Variants in NPAS2 observed in about 807,000 individuals in gnomAD.
NPAS2 encodes the protein neuronal PAS domain protein 2.
A neutral mutation model predicts 107.5 loss-of-function variants in NPAS2; 23 were observed. The observed-to-expected ratio is 0.21, with a 90% CI of 0.15 to 0.30. The LOEUF (loss-of-function observed/expected upper bound fraction) is 0.30, where lower values mean the gene tolerates loss of function less well. NPAS2 is among the 10% of genes least tolerant of loss of function. NPAS2 has a pLI of 1.00. For missense variants in NPAS2, 756 were observed against 1,043.3 expected (o/e 0.72, Z 3.79); for synonymous variants, 403 against 417.5 (o/e 0.97, Z 0.42).
At chr2:100,830,386 A>G (rs1445801912) in intron 1 of NPAS2, among the ~76,000 whole-genome samples, 3 of 152,118 alleles carry the variant, frequency 2.0e-5, no homozygotes, top group African/African-American at 7.2e-5. Context: ...GGTTAGTTAC[A>G]TATGTATACA....
At chr2:100,913,737 CAT>C (rs1192639873) in intron 2 of NPAS2, among the ~76,000 whole-genome samples, 1 of 152,134 alleles carries the variant, frequency 6.6e-6, no homozygotes, top group Non-Finnish European at 1.5e-5. Context: ...CCAAGGGAAA[CAT>C]AGGACTTTTG....
At chr2:100,881,892 G>A (rs995724636) in intron 1 of NPAS2, among the ~76,000 whole-genome samples, 1 of 152,200 alleles carries the variant, frequency 6.6e-6, no homozygotes, top group African/African-American at 2.4e-5. Flanking sequence ...CCCAGGTCCA[G>A]GGCCTGCTTC....
At chr2:100,840,932 G>T (rs970229929) in intron 1 of NPAS2, among the ~76,000 whole-genome samples, 1 of 152,070 alleles carries the variant, frequency 6.6e-6, no homozygotes, top group Non-Finnish European at 1.5e-5. Context: ...CAGGCAGCTG[G>T]GGTTTGCATC....
chr2:100,891,006 G>A (rs1490114538), intron 1 of NPAS2, among the ~76,000 whole-genome samples: 1 of 152,164 alleles, frequency 6.6e-6, no homozygotes, highest in Non-Finnish European at 1.5e-5. Flanking sequence ...GCCAAGGCGG[G>A]TGGATCATGA....
chr2:100,938,458 G>A (rs1251905385), intron 5 of NPAS2, among the ~76,000 whole-genome samples: 1 of 147,912 alleles, frequency 6.8e-6, no homozygotes, highest in Non-Finnish European at 1.5e-5. Context: ...CTCCAAGGTG[G>A]CAGAAGGGGC....
At chr2:100,890,073 G>A (rs1275915688) in intron 1 of NPAS2, among the ~76,000 whole-genome samples, 2 of 152,138 alleles carry the variant, frequency 1.3e-5, no homozygotes, top group African/African-American at 4.8e-5. Context: ...GGAGTGAAAT[G>A]GGCACCCTCC....
At chr2:100,882,184 C>T (rs150056622) in intron 1 of NPAS2, among the ~76,000 whole-genome samples, 6 of 152,328 alleles carry the variant, frequency 3.9e-5, no homozygotes, top group Non-Finnish European at 7.4e-5. Flanking sequence ...CCAGTGGCAA[C>T]ATCTTAACGT....
At chr2:100,967,349 C>T (rs1008532166) in intron 10 of NPAS2, among the ~76,000 whole-genome samples, 26 of 143,064 alleles carry the variant, frequency 1.8e-4, no homozygotes, top group African/African-American at 5.0e-4. Flanking sequence ...GCCTCAGCCT[C>T]GTGAGTAGCT....
At chr2:100,822,593 G>A (rs1676140690) in intron 1 of NPAS2, 1 of 152,158 alleles carries the variant, frequency 6.6e-6, no homozygotes, top group African/African-American at 2.4e-5. Context: ...AATAAGGCAT[G>A]CGTATACTTT....
intron 7 of NPAS2, among the ~76,000 whole-genome samples, chr2:100,960,939 G>T (rs545594283): frequency 3.9e-5 from 6 of 152,144 alleles, no homozygotes; most frequent in African/African-American, 1.4e-4. Flanking sequence ...CATGGGGAAG[G>T]CTATATATTT....
At chr2:100,884,652 G>A (rs1680582303) in intron 1 of NPAS2, among the ~76,000 whole-genome samples, 1 of 152,168 alleles carries the variant, frequency 6.6e-6, no homozygotes. Flanking sequence ...CAAGCTTGGG[G>A]TCAGAGATGG....
At chr2:100,821,607 TAG>T (rs1177942216) in intron 1 of NPAS2, among the ~76,000 whole-genome samples, 1 of 152,206 alleles carries the variant, frequency 6.6e-6, no homozygotes. Context: ...AGTTCTAAAG[TAG>T]TTCCCAGCAA....
chr2:100,827,735 G>T (rs990577518), intron 1 of NPAS2, among the ~76,000 whole-genome samples: 2 of 152,160 alleles, frequency 1.3e-5, no homozygotes, highest in African/African-American at 4.8e-5. Context: ...TTTTATGGCT[G>T]CATAGTATTC....
chr2:100,901,319 T>C (rs1187596297), intron 1 of NPAS2, among the ~76,000 whole-genome samples: 1 of 136,870 alleles, frequency 7.3e-6, no homozygotes, highest in Non-Finnish European at 1.6e-5. Flanking sequence ...CCTCTCAGCC[T>C]CTCCTTTCAT....
chr2:100,830,860 A>G (rs1248729511), intron 1 of NPAS2, among the ~76,000 whole-genome samples: 1 of 152,226 alleles, frequency 6.6e-6, no homozygotes, highest in Non-Finnish European at 1.5e-5. Context: ...TCACGGGACA[A>G]ACAGTGCTGA....
intron 2 of NPAS2, among the ~76,000 whole-genome samples, chr2:100,920,816 A>G (rs1317178286): frequency 1.3e-5 from 2 of 152,210 alleles, no homozygotes; most frequent in Non-Finnish European, 2.9e-5. Flanking sequence ...GGGAAGCACA[A>G]TCCTGCTCTC....
chr2:100,889,427 C>T (rs1680915175), intron 1 of NPAS2, among the ~76,000 whole-genome samples: 1 of 152,186 alleles, frequency 6.6e-6, no homozygotes, highest in African/African-American at 2.4e-5. Flanking sequence ...AGAGACATGC[C>T]CTTTGCCGTG....
At chr2:100,850,905 A>T (rs938264942) in intron 1 of NPAS2, among the ~76,000 whole-genome samples, 21 of 134,718 alleles carry the variant, frequency 1.6e-4, no homozygotes, top group African/African-American at 5.6e-4. Flanking sequence ...GTGAGCCAAG[A>T]TCGCACCATT....
At chr2:100,992,952 C>T (rs994114402) in intron 19 of NPAS2, among the ~76,000 whole-genome samples, 10 of 150,478 alleles carry the variant, frequency 6.6e-5, no homozygotes, top group South Asian at 2.1e-4. Context: ...TGCTTTGAGA[C>T]GGAGTCTCAC....
Sources: gnomAD v4.1 joint callset for allele counts (sites outside exome capture counted in the v4.1 genomes callset) on GRCh38, gnomAD v4.1.1 for gene constraint, MANE v1.5 for transcripts, NCBI Gene and HGNC (gene_info 2026-07-23, HGNC 2026-07-21) for gene names.